The following SAMD4A variants were observed in gnomAD, a reference collection of about 807,000 sequenced individuals.
The protein encoded by SAMD4A is sterile alpha motif domain containing 4A.
Under a neutral mutation model 81.3 loss-of-function variants are expected in SAMD4A, and 33 were observed. That is an observed-to-expected ratio of 0.41 (90% CI 0.31 to 0.54). The LOEUF is 0.54. Ranked by LOEUF, SAMD4A falls within the 20% of genes least tolerant of loss-of-function variation. The pLI, the probability that SAMD4A is intolerant of heterozygous loss-of-function variation, is 0.37. For missense variants in SAMD4A, 854 were observed against 951.1 expected (o/e 0.90, Z 1.34); for synonymous variants, 389 against 382.1 (o/e 1.02, Z -0.21).
intron 2 of SAMD4A, among the ~76,000 whole-genome samples, chr14:54,624,298 C>T (rs1191523839): frequency 1.3e-5 from 2 of 152,188 alleles, no homozygotes; most frequent in Non-Finnish European, 2.9e-5. Context: ...TCTATTATGC[C>T]CTCTCCGGTC....
intron 2 of SAMD4A, among the ~76,000 whole-genome samples, chr14:54,586,679 G>C (rs766889634): frequency 1.1e-4 from 16 of 152,048 alleles, no homozygotes; most frequent in African/African-American, 3.9e-4. Flanking sequence ...TTGTTGAATA[G>C]GGTGTCCTTT....
At chr14:54,640,189 G>GT (rs1322680936) in intron 2 of SAMD4A, among the ~76,000 whole-genome samples, 1 of 152,024 alleles carries the variant, frequency 6.6e-6, no homozygotes, top group Non-Finnish European at 1.5e-5. Flanking sequence ...CCCAGAAATG[G>GT]TTTTCCCTCT....
intron 8 of SAMD4A, among the ~76,000 whole-genome samples, chr14:54,766,300 C>T (rs1373265268): frequency 5.9e-5 from 9 of 152,184 alleles, no homozygotes; most frequent in South Asian, 2.1e-4. Flanking sequence ...TGTTACAACT[C>T]GTCCATTCCC....
In SAMD4A at chr14:54,591,598, G is replaced by C. The variant is rs115008272; in HGVS notation, c.196+23486G>C. ...GTTTCCCATGTTGGCATCATTACTT[G>C]TGGTTTTGAAATTGGCGTATCAGTC... On this transcript the variant is annotated intron_variant, in intron 2 of 12. Coordinates refer to ENST00000554335, the MANE Select transcript of SAMD4A (RefSeq NM_015589.6). Among the ~76,000 whole-genome samples the C allele has an allele frequency of 6.8e-3, 1,019 of 149,882 alleles. 20 individuals are homozygous for C. The highest frequency in any genetic ancestry group is 0.024 in the African/African-American group (988 of 40,862).
At chr14:54,582,278 A>G (rs372048714) in intron 2 of SAMD4A, among the ~76,000 whole-genome samples, 1 of 152,162 alleles carries the variant, frequency 6.6e-6, no homozygotes, top group East Asian at 1.9e-4. Flanking sequence ...TTATTTTTAA[A>G]GACTTTCCTA....
chr14:54,585,442 T>G (rs1424987457), intron 2 of SAMD4A, among the ~76,000 whole-genome samples: 1 of 152,204 alleles, frequency 6.6e-6, no homozygotes, highest in African/African-American at 2.4e-5. Context: ...TAAAAATTTT[T>G]TAAATTTTTT....
intron 3 of SAMD4A, among the ~76,000 whole-genome samples, chr14:54,714,165 C>CT (rs1240936187): frequency 6.6e-6 from 1 of 152,150 alleles, no homozygotes. Flanking sequence ...ACAGGTTGCT[C>CT]TATGTCTTTC....
intron 2 of SAMD4A, among the ~76,000 whole-genome samples, chr14:54,648,362 G>C (rs951321696): frequency 6.6e-6 from 1 of 152,144 alleles, no homozygotes; most frequent in Non-Finnish European, 1.5e-5. Flanking sequence ...ACTTATTGTG[G>C]GTTGAAGTAC....
At chr14:54,580,879 A>G (rs918843796) in intron 2 of SAMD4A, among the ~76,000 whole-genome samples, 2 of 152,236 alleles carry the variant, frequency 1.3e-5, no homozygotes, top group African/African-American at 4.8e-5. Context: ...AAAGAAATTT[A>G]ACTGACATCC....
intron 3 of SAMD4A, among the ~76,000 whole-genome samples, chr14:54,724,012 G>GGAAGGAAGGAAGGAAGGAAGGAAGGAA (rs2037340039): frequency 2.1e-5 from 3 of 141,490 alleles, no homozygotes; most frequent in Non-Finnish European, 4.7e-5. Flanking sequence ...ATGGATGGAA[G>GGAAGGAAGGAAGGAAGGAAGGAAGGAA]GAAGGAAGGA....
chr14:54,689,942 G>A (rs760619952), intron 2 of SAMD4A: 3 of 152,278 alleles, frequency 2.0e-5, no homozygotes, highest in South Asian at 4.1e-4. Context: ...ACCATTCTGC[G>A]CTGGTCCAGA....
chr14:54,634,632 C>G (rs2034987321), intron 2 of SAMD4A, among the ~76,000 whole-genome samples: 1 of 152,126 alleles, frequency 6.6e-6, no homozygotes, highest in Non-Finnish European at 1.5e-5. Flanking sequence ...CGCCGCTCAC[C>G]TCATGCTGTG....
intron 6 of SAMD4A, among the ~76,000 whole-genome samples, chr14:54,753,566 G>A (rs1190118102): frequency 6.6e-6 from 1 of 151,982 alleles, no homozygotes; most frequent in Non-Finnish European, 1.5e-5. Flanking sequence ...AGTCTCTTAT[G>A]TCTTTCCTTT....
At chr14:54,711,444 G>A (rs879332210) in intron 3 of SAMD4A, among the ~76,000 whole-genome samples, 10 of 152,128 alleles carry the variant, frequency 6.6e-5, no homozygotes, top group Non-Finnish European at 1.2e-4. Context: ...AAGGCCTGTA[G>A]TCTAGTTAGT....
Position 54,788,918 on chromosome 14 carries a change from G to A in SAMD4A, c.2131G>A (p.Gly711Arg), listed in dbSNP as rs1231096199. 7.4e-6 allele frequency: 12 copies of A among 1,614,170 alleles called. No individual in the cohort carries two copies. Among genetic ancestry groups the A allele is most frequent in the East Asian group, 2.2e-5 (1 of 44,882 alleles). Residue 711 changes from glycine to arginine, a missense_variant and splice_region_variant, in exon 13 of 13, where the codon GGG becomes AGG. Coordinates refer to ENST00000554335, the MANE Select transcript of SAMD4A (RefSeq NM_015589.6). ...LSMTEHALGD[G>R]VDRTSTI is the part of the protein sequence containing the mutation. ...TCGTTTGCTGCTTTCTCTCCCAGAC[G>A]GGGTTGACCGGACCTCCACCATCTA...
At chr14:54,656,583 C>T (rs1268056101) in intron 2 of SAMD4A, among the ~76,000 whole-genome samples, 2 of 152,152 alleles carry the variant, frequency 1.3e-5, no homozygotes, top group Non-Finnish European at 2.9e-5. Flanking sequence ...TAATAAGCTG[C>T]ACAAATAATA....
At chr14:54,634,184 G>T (rs2140350320) in intron 2 of SAMD4A, among the ~76,000 whole-genome samples, 1 of 150,866 alleles carries the variant, frequency 6.6e-6, no homozygotes, top group Non-Finnish European at 1.5e-5. Flanking sequence ...TACTCGGGAG[G>T]CTGAGGCAGG....
At chr14:54,725,506 T>C (rs2037392005) in intron 3 of SAMD4A, among the ~76,000 whole-genome samples, 1 of 152,242 alleles carries the variant, frequency 6.6e-6, no homozygotes, top group South Asian at 2.1e-4. Flanking sequence ...AAAATTTACC[T>C]CTTGTAAATC....
At chr14:54,761,885 C>A (rs1361543582) in intron 7 of SAMD4A, among the ~76,000 whole-genome samples, 1 of 152,210 alleles carries the variant, frequency 6.6e-6, no homozygotes, top group Non-Finnish European at 1.5e-5. Flanking sequence ...CCAGTTCACA[C>A]TAGATTGTGA....
Sources: gnomAD v4.1 joint callset for allele counts (sites outside exome capture counted in the v4.1 genomes callset) on GRCh38, gnomAD v4.1.1 for gene constraint, MANE v1.5 for transcripts, NCBI Gene and HGNC (gene_info 2026-07-23, HGNC 2026-07-21) for gene names.